Variants in AHI1 observed in about 807,000 individuals in gnomAD.
AHI1 encodes the protein Abelson helper integration site 1, also known as jouberin.
AHI1 carries 123 observed loss-of-function variants against 149.3 expected under a neutral mutation model. The ratio of observed to expected loss-of-function variants is 0.82; its 90% CI spans 0.71 to 0.96. The LOEUF is 0.96. Ranked by LOEUF, AHI1 falls within the 40% of genes least tolerant of loss-of-function variation. The pLI is 0.00. For synonymous variants in AHI1, 475 were observed against 459.8 expected (o/e 1.03, Z -0.42); for missense variants, 1,439 against 1,422.7 (o/e 1.01, Z -0.18).
Position 135,364,639 on chromosome 6 carries a change from C to T in AHI1, c.3110-6452G>A, listed in dbSNP as rs559352739. On this transcript the variant is annotated intron_variant, in intron 23 of 28. Transcript: ENST00000265602. ...GTGAACGAGACTCCGTCTGCAATCC[C>T]GGCACCTCGGGAGGCCGAGGCTGGC... Among the ~76,000 whole-genome samples the T allele has an allele frequency of 2.6e-3, 403 of 152,088 alleles. 1 individual carries two copies. Among genetic ancestry groups the T allele is most frequent in the Non-Finnish European group, 4.0e-3 (272 of 67,970 alleles).
intron 14 of AHI1, among the ~76,000 whole-genome samples, chr6:135,439,375 T>G (rs1181366592): frequency 2.0e-5 from 3 of 152,264 alleles, no homozygotes; most frequent in Non-Finnish European, 2.9e-5. Flanking sequence ...ATAGATGCTG[T>G]CTATCAGAAA....
chr6:135,388,030 C>G, intron 23 of AHI1: 1 of 1,613,720 alleles, frequency 6.2e-7, no homozygotes, highest in South Asian at 1.1e-5. Flanking sequence ...AGCAAAGTGA[C>G]TGTCTGGAAA....
intron 23 of AHI1, among the ~76,000 whole-genome samples, chr6:135,375,171 G>T (rs901355230): frequency 7.2e-5 from 11 of 151,960 alleles, no homozygotes; most frequent in African/African-American, 2.2e-4. Context: ...ATATAAATGT[G>T]AGCTCTCCCC....
intron 24 of AHI1, among the ~76,000 whole-genome samples, chr6:135,343,206 T>C (rs559518612): frequency 2.6e-5 from 4 of 152,000 alleles, no homozygotes; most frequent in African/African-American, 4.8e-5. Flanking sequence ...CCAATTCCAT[T>C]TGCAATGGCA....
chr6:135,393,909 T>C (rs983101015), intron 23 of AHI1, among the ~76,000 whole-genome samples: 5 of 151,874 alleles, frequency 3.3e-5, no homozygotes, highest in Non-Finnish European at 5.9e-5. Flanking sequence ...AGCATAAGAG[T>C]TGTGAATCCA....
At chr6:135,328,612 C>A (rs1245624309) in intron 24 of AHI1, among the ~76,000 whole-genome samples, 2 of 152,070 alleles carry the variant, frequency 1.3e-5, no homozygotes, top group African/African-American at 4.8e-5. Flanking sequence ...TCTCCTTGGG[C>A]TTCCTATTCC....
chr6:135,447,439 C>G (rs1220550815), intron 12 of AHI1, among the ~76,000 whole-genome samples: 1 of 152,146 alleles, frequency 6.6e-6, no homozygotes, highest in Non-Finnish European at 1.5e-5. Context: ...TTTGTTTCTG[C>G]TTCTTCACCA....
At chr6:135,309,986 G>T (rs1784972490) in intron 26 of AHI1, among the ~76,000 whole-genome samples, 1 of 151,962 alleles carries the variant, frequency 6.6e-6, no homozygotes, top group African/African-American at 2.4e-5. Flanking sequence ...TCTTTGAACA[G>T]AATTACTAAA....
chr6:135,355,747 A>G (rs1485282852), intron 24 of AHI1, among the ~76,000 whole-genome samples: 2 of 152,110 alleles, frequency 1.3e-5, no homozygotes, highest in Non-Finnish European at 2.9e-5. Flanking sequence ...AAAAATACAA[A>G]AATTAGCTGG....
chr6:135,457,022 G>C (rs1789065467), intron 9 of AHI1, among the ~76,000 whole-genome samples: 1 of 152,182 alleles, frequency 6.6e-6, no homozygotes. Flanking sequence ...GCCAGGCACG[G>C]TGGGTCATGC....
intron 14 of AHI1, 73 bp downstream of exon 14, chr6:135,442,509 T>C (rs913764422): frequency 1.4e-6 from 2 of 1,444,914 alleles, no homozygotes; most frequent in Non-Finnish European, 1.8e-6. Context: ...AAGATTTCCA[T>C]GAATTTAAAA....
chr6:135,433,018 C>T lies in AHI1; in HGVS notation c.2266+9G>A, dbSNP rs762842225. ...CATAGCTGGTCTTCATTCATAGTCT[C>T]TGACATACCTTCAGTATCAAAACAA... On this transcript the variant is annotated intron_variant, in intron 16 of 28. Transcript: ENST00000265602. 3.8e-5 allele frequency: 60 copies of T among 1,595,522 alleles called. No homozygotes were observed. Among genetic ancestry groups the T allele is most frequent in the Non-Finnish European group, 4.6e-5 (53 of 1,163,518 alleles).
chr6:135,388,841 G>A (rs993585796), intron 23 of AHI1, among the ~76,000 whole-genome samples: 14 of 151,386 alleles, frequency 9.2e-5, no homozygotes, highest in African/African-American at 2.7e-4. Context: ...GTGAAACCCC[G>A]TCTCTACTAA....
chr6:135,462,308 A>G (rs895192674), intron 8 of AHI1, among the ~76,000 whole-genome samples: 6 of 152,074 alleles, frequency 3.9e-5, no homozygotes, highest in African/African-American at 1.5e-4. Flanking sequence ...AAGAACATGT[A>G]AAGAAAAATA....
intron 24 of AHI1, among the ~76,000 whole-genome samples, chr6:135,350,988 T>G (rs1268254516): frequency 6.6e-6 from 1 of 152,164 alleles, no homozygotes; most frequent in Non-Finnish European, 1.5e-5. Flanking sequence ...CTTACAGAAC[T>G]GATGAATAAG....
At chr6:135,490,216 T>C (rs763754334) in intron 5 of AHI1, 2 of 724,764 alleles carry the variant, frequency 2.8e-6, no homozygotes, top group Non-Finnish European at 5.2e-6. Flanking sequence ...GCCATTGATT[T>C]CTCCTGGTTC....
At chr6:135,403,037 A>C (rs1230470613) in intron 22 of AHI1, among the ~76,000 whole-genome samples, 1 of 152,184 alleles carries the variant, frequency 6.6e-6, no homozygotes, top group Non-Finnish European at 1.5e-5. Flanking sequence ...TCAGTTATAA[A>C]TGACTACATA....
At chr6:135,287,890 G>A (rs774719466) in intron 28 of AHI1, among the ~76,000 whole-genome samples, 9 of 151,934 alleles carry the variant, frequency 5.9e-5, no homozygotes, top group African/African-American at 1.5e-4. Context: ...GAGGTCAGGG[G>A]TTTGAGACCA....
chr6:135,382,587 C>T (rs1582938351), intron 23 of AHI1, among the ~76,000 whole-genome samples: 2 of 152,016 alleles, frequency 1.3e-5, no homozygotes, highest in South Asian at 4.2e-4. Context: ...TAAGGGAAAC[C>T]TTAGGGCTAT....
Sources: allele counts gnomAD v4.1 joint callset (sites outside exome capture counted in the v4.1 genomes callset), GRCh38; gene constraint gnomAD v4.1.1; transcripts MANE v1.5; gene names NCBI Gene and HGNC (gene_info 2026-07-23, HGNC 2026-07-21).